LRSAM1: variants seen among roughly 807,000 people sequenced by gnomAD.
LRSAM1 encodes the protein E3 ubiquitin-protein ligase LRSAM1.
In LRSAM1, 96 loss-of-function variants were observed where a neutral mutation model predicts 118.1. The ratio of observed to expected loss-of-function variants is 0.81; its 90% CI spans 0.69 to 0.96. The LOEUF (loss-of-function observed/expected upper bound fraction) is 0.96, where lower values mean the gene tolerates loss of function less well. LRSAM1 is among the 40% of genes least tolerant of loss of function. LRSAM1 has a pLI of 0.00. For missense variants in LRSAM1, 804 were observed against 915.5 expected (o/e 0.88, Z 1.57); for synonymous variants, 322 against 364.2 (o/e 0.88, Z 1.32).
chr9:127,459,252 C>T (rs1404311628), intron 7 of LRSAM1, among the ~76,000 whole-genome samples, 181 bp downstream of exon 7: 6 of 147,786 alleles, frequency 4.1e-5, no homozygotes, highest in Non-Finnish European at 8.9e-5. Flanking sequence ...TGCCTCACTG[C>T]GTTGCCCAGG....
intron 10 of LRSAM1, among the ~76,000 whole-genome samples, chr9:127,471,415 G>A (rs1475663400): frequency 6.9e-6 from 1 of 145,708 alleles, no homozygotes; most frequent in Non-Finnish European, 1.5e-5. Context: ...AGGTTGCAGT[G>A]AGCCAAGATT....
At position 127,496,185 on chromosome 9, in the gene LRSAM1, C is replaced by T. The variant is rs942499283; in HGVS notation, c.1830+90C>T. ...GTTGATCTGCTCCTTGTGTAGTCCT[C>T]GTTGAGGCCTGTCCTTACCTAATGG... On this transcript the variant is annotated intron_variant, in intron 23 of 25. Coordinates refer to ENST00000300417, the MANE Select transcript of LRSAM1 (RefSeq NM_001005373.4). 21 of 1,558,974 alleles carry T rather than the reference C, an allele frequency of 1.3e-5. No individual in the cohort carries two copies. The Admixed American group carries it at 1.8e-4, about 13-fold the overall frequency.
intron 15 of LRSAM1, among the ~76,000 whole-genome samples, chr9:127,482,260 A>G (rs1309076855): frequency 6.7e-6 from 1 of 150,134 alleles, no homozygotes; most frequent in Non-Finnish European, 1.5e-5. Context: ...CTCCTGCCTC[A>G]GCATCCCGAG....
chr9:127,493,934 G>C (rs918283044), intron 21 of LRSAM1, among the ~76,000 whole-genome samples: 1 of 152,242 alleles, frequency 6.6e-6, no homozygotes, highest in African/African-American at 2.4e-5. Flanking sequence ...AGAAGAGAGA[G>C]ACCAGCTGCT....
chr9:127,464,976 A>C (rs1834877497), intron 9 of LRSAM1, among the ~76,000 whole-genome samples: 1 of 151,992 alleles, frequency 6.6e-6, no homozygotes, highest in Non-Finnish European at 1.5e-5. Flanking sequence ...CCTTTAAAAA[A>C]AATCTTTTGG....
At chr9:127,462,415 G>A (rs759239338) in intron 9 of LRSAM1, 42 bp downstream of exon 9, 1 of 1,612,664 alleles carries the variant, frequency 6.2e-7, no homozygotes, top group East Asian at 2.2e-5. Context: ...TCTCTGGCCT[G>A]CCCACCTCCC....
intron 10 of LRSAM1, among the ~76,000 whole-genome samples, chr9:127,473,508 A>G (rs141135673): frequency 5.9e-5 from 9 of 152,330 alleles, no homozygotes; most frequent in Non-Finnish European, 1.3e-4. Flanking sequence ...TCTAGGACGC[A>G]GGTTTCACTG....
At chr9:127,489,376 ACAGGGATGGGGCTG>A (rs1835844901) in intron 18 of LRSAM1, 54 bp from the exon 19 acceptor site, 1 of 1,545,512 alleles carries the variant, frequency 6.5e-7, no homozygotes. Context: ...TTTGCTTTTC[ACAGGGATGGGGCTG>A]CAGGGAAAAG....
At chr9:127,481,125 T>G in intron 14 of LRSAM1, 58 bp from the exon 15 acceptor site, 4 of 1,595,750 alleles carry the variant, frequency 2.5e-6, no homozygotes, top group African/African-American at 1.3e-5. Flanking sequence ...GCTAACGCAG[T>G]GAGACAGGAA....
rs1835986729 is a variant in LRSAM1, at chr9:127,492,901, T to A, written c.1599+4T>A. On this transcript the variant is annotated splice_donor_region_variant and intron_variant, in intron 21 of 25. Coordinates refer to ENST00000300417, the MANE Select transcript of LRSAM1 (RefSeq NM_001005373.4). ...GGAAGAGCTCCGGGAAATCCTGGTA[T>A]GTGTTTGGCTTCTGTGCTCAGCATC... 1 of 1,613,460 alleles carries A rather than the reference T, an allele frequency of 6.2e-7. No homozygotes were observed. The highest frequency in any genetic ancestry group is 1.1e-5 in the South Asian group (1 of 91,060).
chr9:127,478,825 G>A, intron 11 of LRSAM1, 109 bp from the exon 12 acceptor site: 2 of 1,039,012 alleles, frequency 1.9e-6, no homozygotes, highest in Non-Finnish European at 1.5e-6. Flanking sequence ...GTGGTCTGGG[G>A]TGGGCCAGAG....
chr9:127,497,410 CT>C, intron 24 of LRSAM1, 76 bp downstream of exon 24: 1 of 1,437,940 alleles, frequency 7.0e-7, no homozygotes, highest in Non-Finnish European at 9.7e-7. Context: ...CAGTCATTTG[CT>C]TACATTTCAG....
chr9:127,462,421 C>T, intron 9 of LRSAM1, 48 bp downstream of exon 9: 2 of 1,612,348 alleles, frequency 1.2e-6, no homozygotes, highest in Non-Finnish European at 1.7e-6. Flanking sequence ...GCCTGCCCAC[C>T]TCCCCTCTCT....
chr9:127,496,216 G>A (rs1588137873), intron 23 of LRSAM1, 121 bp downstream of exon 23: 5 of 1,426,242 alleles, frequency 3.5e-6, no homozygotes, highest in East Asian at 2.4e-5. Flanking sequence ...AATGGCCCAG[G>A]GCCACCTTGC....
intron 5 of LRSAM1, among the ~76,000 whole-genome samples, chr9:127,456,574 CAGT>C (rs1834525480): frequency 6.6e-6 from 1 of 151,810 alleles, no homozygotes; most frequent in African/African-American, 2.4e-5. Flanking sequence ...AAGAAAAATG[CAGT>C]AGATTGGCCG....
In LRSAM1 at chr9:127,462,241, G is replaced by C; in HGVS notation, c.407-11G>C. ...TTGGGGTGTTGAGCTGTGCTATTGG[G>C]GTCTCTGCAGACAACAAGCTGAAGG... On this transcript the variant is annotated splice_polypyrimidine_tract_variant and intron_variant, in intron 8 of 25. Coordinates refer to ENST00000300417, the MANE Select transcript of LRSAM1 (RefSeq NM_001005373.4). 2 of 1,613,876 alleles carry C rather than the reference G, an allele frequency of 1.2e-6. No individual in the cohort carries two copies. The highest frequency in any genetic ancestry group is 1.7e-6 in the Non-Finnish European group (2 of 1,179,880).
In LRSAM1 at chr9:127,487,727, G is replaced by C; in HGVS notation, c.1311G>C (p.Met437Ile). ...AGCAGATTCTGTCGTGGCAGCAAAT[G>C]GATCAGAACAAAGCCATCAGCCAGA... is the stretch of plus-strand genomic sequence containing the variant. ...RFQQILSWQQMDQNKAISQIL... is the reference protein window; with the variant it reads ...RFQQILSWQQIDQNKAISQIL... The change falls in exon 18 of 26, where the codon ATG (methionine) becomes ATC (isoleucine). Residue 437 changes from methionine to isoleucine, a missense_variant. Physicochemically the swap from Met to Ile is conservative, Grantham distance 10. Coordinates refer to ENST00000300417, the MANE Select transcript of LRSAM1 (RefSeq NM_001005373.4). 6.2e-7 allele frequency: 1 copy of C among 1,613,690 alleles called. No individual in the cohort carries two copies. The highest frequency in any genetic ancestry group is 8.5e-7 in the Non-Finnish European group (1 of 1,179,874).
At chr9:127,479,739 G>GC in intron 13 of LRSAM1, 100 bp from the exon 14 acceptor site, 2 of 1,508,076 alleles carry the variant, frequency 1.3e-6, no homozygotes, top group Admixed American at 3.6e-5. Context: ...AAAAGGATTG[G>GC]CAAGGCAGGG....
chr9:127,462,389 T>C lies in LRSAM1; in HGVS notation c.528+16T>C. ...AACCCTGGAGGTAAATGGGAAGCTG[T>C]TCTTGCCTGGGGTGCTCTCTGGCCT... On this transcript the variant is annotated intron_variant, in intron 9 of 25. Transcript: ENST00000300417. The C allele has an allele frequency of 6.2e-7, 1 of 1,613,698 alleles. No homozygotes were observed. Among genetic ancestry groups the C allele is most frequent in the Admixed American group, 1.7e-5 (1 of 59,996 alleles).
Sources: allele counts gnomAD v4.1 joint callset (sites outside exome capture counted in the v4.1 genomes callset), GRCh38; gene constraint gnomAD v4.1.1; transcripts MANE v1.5; gene names NCBI Gene and HGNC (gene_info 2026-07-23, HGNC 2026-07-21).